The following ZBTB7C variants were observed in gnomAD, a reference collection of about 807,000 sequenced individuals.
The protein encoded by ZBTB7C is zinc finger and BTB domain containing 7C.
Under a neutral mutation model 25.7 loss-of-function variants are expected in ZBTB7C, and 8 were observed. The ratio of observed to expected loss-of-function variants is 0.31; its 90% CI spans 0.18 to 0.56. The LOEUF (loss-of-function observed/expected upper bound fraction) is 0.56, where lower values mean the gene tolerates loss of function less well. Among genes scored for constraint, ZBTB7C ranks in the 20% least tolerant of loss-of-function variants. The pLI, the probability that ZBTB7C is intolerant of heterozygous loss-of-function variation, is 0.91. For missense variants in ZBTB7C, 824 were observed against 855.2 expected (o/e 0.96, Z 0.46); for synonymous variants, 394 against 369.0 (o/e 1.07, Z -0.78).
At chr18:48,220,756 A>G (rs1003036599) in intron 2 of ZBTB7C, among the ~76,000 whole-genome samples, 1 of 152,132 alleles carries the variant, frequency 6.6e-6, no homozygotes, top group Admixed American at 6.5e-5. Flanking sequence ...CTCACTCTAC[A>G]ATAGAAAGAG....
chr18:48,382,751 ACTTAAATTCT>A (rs1284379665), intron 1 of ZBTB7C, among the ~76,000 whole-genome samples: 3 of 152,224 alleles, frequency 2.0e-5, no homozygotes, highest in Non-Finnish European at 4.4e-5. Flanking sequence ...TCCAGCTAAC[ACTTAAATTCT>A]TTGCTTATAT....
chr18:48,247,033 G>A (rs2144401878), intron 2 of ZBTB7C, among the ~76,000 whole-genome samples: 1 of 152,270 alleles, frequency 6.6e-6, no homozygotes, highest in South Asian at 2.1e-4. Flanking sequence ...CATATAAGGG[G>A]TTCTATTAAT....
intron 2 of ZBTB7C, among the ~76,000 whole-genome samples, chr18:48,253,547 G>A (rs978999277): frequency 9.9e-5 from 15 of 152,132 alleles, no homozygotes; most frequent in Non-Finnish European, 2.1e-4. Context: ...GAGAACTGAG[G>A]CACTAGCATT....
intron 1 of ZBTB7C, among the ~76,000 whole-genome samples, chr18:48,379,208 T>C (rs1374177172): frequency 2.0e-5 from 3 of 152,226 alleles, no homozygotes; most frequent in African/African-American, 7.2e-5. Context: ...TATTCTGTTC[T>C]ATTGACCTAT....
At chr18:48,325,558 C>T (rs2046198660) in intron 2 of ZBTB7C, among the ~76,000 whole-genome samples, 1 of 152,230 alleles carries the variant, frequency 6.6e-6, no homozygotes, top group Admixed American at 6.5e-5. Context: ...TTTATTACCA[C>T]ATACAGGCCA....
chr18:48,383,414 C>A (rs2047675834), intron 1 of ZBTB7C, among the ~76,000 whole-genome samples: 1 of 151,964 alleles, frequency 6.6e-6, no homozygotes, highest in African/African-American at 2.4e-5. Flanking sequence ...TACAGGCACA[C>A]ACCACCACCC....
chr18:48,335,241 G>A (rs1346599860), intron 2 of ZBTB7C, among the ~76,000 whole-genome samples: 2 of 152,198 alleles, frequency 1.3e-5, no homozygotes, highest in African/African-American at 2.4e-5. Flanking sequence ...TAGCCAATAG[G>A]AAAACCCAAA....
intron 4 of ZBTB7C, among the ~76,000 whole-genome samples, chr18:48,033,589 G>T (rs4620750): frequency 0.55 from 84,370 of 152,052 alleles, 24,400 homozygotes; most frequent in African/African-American, 0.71. Flanking sequence ...ATAAGCCAGT[G>T]CTGGAAAAAA....
chr18:48,067,926 G>T (rs62086091), intron 3 of ZBTB7C, among the ~76,000 whole-genome samples: 26,330 of 151,988 alleles, frequency 0.17, 3,090 homozygotes, highest in Non-Finnish European at 0.24. Flanking sequence ...ACTTGAACCT[G>T]GGAGGCAGAG....
At chr18:48,232,938 GC>G in intron 2 of ZBTB7C, among the ~76,000 whole-genome samples, 1 of 152,266 alleles carries the variant, frequency 6.6e-6, no homozygotes, top group African/African-American at 2.4e-5. Flanking sequence ...AAGGCTATAA[GC>G]AACAGCAAAA....
intron 2 of ZBTB7C, among the ~76,000 whole-genome samples, chr18:48,243,257 C>CTCTA (rs1319698063): frequency 1.7e-5 from 2 of 116,204 alleles, no homozygotes; most frequent in East Asian, 5.8e-4. Flanking sequence ...GAGCAAGACT[C>CTCTA]TCTACCCCCC....
Position 48,076,984 on chromosome 18 carries a change from C to T in ZBTB7C, c.-16-35861G>A, listed in dbSNP as rs1297255257. ...TGTCCTACATGTTTCTGAACTTGGC[C>T]AAGACAGCACCTAAGTTCCCTTCCA... On this transcript the variant is annotated intron_variant, in intron 3 of 4. Coordinates refer to ENST00000590800, the MANE Select transcript of ZBTB7C (RefSeq NM_001318841.2). The T allele has an allele frequency of 1.0e-5, 10 of 982,014 alleles. No homozygotes were observed. The East Asian group carries it at 3.5e-4, about 34-fold the overall frequency. 60.8% of individuals were successfully genotyped at this position (982,014 alleles called of 1,614,324 possible). A position where few individuals can be genotyped will look rare whatever the true frequency, so the allele number is the denominator to read the frequency against.
intron 3 of ZBTB7C, among the ~76,000 whole-genome samples, chr18:48,119,517 G>A (rs1258603520): frequency 6.6e-6 from 1 of 152,214 alleles, no homozygotes; most frequent in African/African-American, 2.4e-5. Context: ...TGGAGGAATG[G>A]GGGCATTTCT....
intron 2 of ZBTB7C, among the ~76,000 whole-genome samples, chr18:48,322,076 CCCAAACAAGAGAGG>C (rs2046109104): frequency 6.6e-6 from 1 of 152,202 alleles, no homozygotes; most frequent in Non-Finnish European, 1.5e-5. Context: ...CCTGCATAGC[CCCAAACAAGAGAGG>C]CCATTTTCCC....
chr18:48,235,884 C>A (rs2043366379), intron 2 of ZBTB7C, among the ~76,000 whole-genome samples: 1 of 152,172 alleles, frequency 6.6e-6, no homozygotes, highest in African/African-American at 2.4e-5. Flanking sequence ...TACGATTTCA[C>A]TTTCAAATTT....
At chr18:48,084,000 C>G in intron 3 of ZBTB7C, 1 of 521,410 alleles carries the variant, frequency 1.9e-6, no homozygotes, top group Non-Finnish European at 2.5e-6. Flanking sequence ...TCCCTTGTGC[C>G]TATGGAAGGT....
chr18:48,119,619 T>C (rs1462043380), intron 3 of ZBTB7C, among the ~76,000 whole-genome samples: 1 of 152,252 alleles, frequency 6.6e-6, no homozygotes, highest in Non-Finnish European at 1.5e-5. Flanking sequence ...TTTTGAATCA[T>C]AGTTCATGTG....
At chr18:48,404,039 G>A (rs2048221959) in intron 1 of ZBTB7C, among the ~76,000 whole-genome samples, 1 of 152,182 alleles carries the variant, frequency 6.6e-6, no homozygotes, top group Non-Finnish European at 1.5e-5. Flanking sequence ...GATCGCCTGA[G>A]GTCAGGAATT....
chr18:48,047,037 G>A (rs1482297080), intron 3 of ZBTB7C, among the ~76,000 whole-genome samples: 1 of 152,178 alleles, frequency 6.6e-6, no homozygotes, highest in Non-Finnish European at 1.5e-5. Flanking sequence ...GTAGCTCAAG[G>A]CTGTTTTTCC....
Sources: gnomAD v4.1 joint callset for allele counts (sites outside exome capture counted in the v4.1 genomes callset) on GRCh38, gnomAD v4.1.1 for gene constraint, MANE v1.5 for transcripts, NCBI Gene and HGNC (gene_info 2026-07-23, HGNC 2026-07-21) for gene names.